The following SLC27A2 variants were observed in gnomAD, a reference collection of about 807,000 sequenced individuals.
The protein encoded by SLC27A2 is solute carrier family 27 member 2, also known as long-chain fatty acid transport protein 2.
Under a neutral mutation model 60.0 loss-of-function variants are expected in SLC27A2, and 54 were observed. That is an observed-to-expected ratio of 0.90 (90% CI 0.72 to 1.13). SLC27A2 has a LOEUF of 1.13. Among genes scored for constraint, SLC27A2 ranks in the 50% most tolerant of loss-of-function variants. The probability of loss-of-function intolerance (pLI) is 0.00; values close to 1 mark genes in which losing one functional copy is unlikely to be tolerated. For missense variants in SLC27A2, 739 were observed against 777.6 expected (o/e 0.95, Z 0.59); for synonymous variants, 297 against 297.6 (o/e 1.00, Z 0.02).
chr15:50,206,487 C>G (rs1180925706), intron 4 of SLC27A2, among the ~76,000 whole-genome samples: 1 of 152,176 alleles, frequency 6.6e-6, no homozygotes, highest in African/African-American at 2.4e-5. Flanking sequence ...GTGTCAGATG[C>G]TCTTCCCCCA....
chr15:50,194,994 G>GT (rs1237788120), intron 1 of SLC27A2, among the ~76,000 whole-genome samples: 2 of 152,110 alleles, frequency 1.3e-5, no homozygotes, highest in African/African-American at 4.8e-5. Context: ...CAGAATAATG[G>GT]TATCAGAATA....
In SLC27A2 at chr15:50,197,622, G is replaced by A. The variant is rs147583184; in HGVS notation, c.601G>A (p.Val201Ile). ...CTCTTTCCTGGACAAAGTGGATGAA[G>A]TATCAACTGAACCTATCCCAGAGTC... ...IDSFLDKVDE[V>I]STEPIPESWR... Residue 201 changes from valine (V) to isoleucine (I), a missense_variant, in exon 2 of 10, where the codon GTA (valine) becomes ATA (isoleucine). Coordinates refer to ENST00000267842, the MANE Select transcript of SLC27A2 (RefSeq NM_003645.4). The A allele has an allele frequency of 1.2e-6, 2 of 1,614,002 alleles. No homozygotes were observed. The highest frequency in any genetic ancestry group is 1.7e-6 in the Non-Finnish European group (2 of 1,179,922).
In SLC27A2 at chr15:50,188,535, T is replaced by C. The variant is rs62020291; in HGVS notation, c.478+5630T>C. Among the ~76,000 whole-genome samples the C allele has an allele frequency of 5.7e-3, 875 of 152,334 alleles. 6 individuals carry two copies. The highest frequency in any genetic ancestry group is 6.7e-3 in the Non-Finnish European group (455 of 68,024). On this transcript the variant is annotated intron_variant, in intron 1 of 9. Transcript: ENST00000267842. The stretch of plus-strand genomic sequence containing the variant: ...TAATCTAATCTACACTCTTCCCAAC[T>C]CTTTGGACTGCCCAAGGAGTAACTT...
chr15:50,209,852 C>G (rs138003540), intron 4 of SLC27A2, among the ~76,000 whole-genome samples: 1 of 152,030 alleles, frequency 6.6e-6, no homozygotes, highest in African/African-American at 2.4e-5. Flanking sequence ...CAAAACAAGG[C>G]GATGAGAAAA....
chr15:50,215,107 A>G (rs1328120920), intron 4 of SLC27A2, among the ~76,000 whole-genome samples: 1 of 152,182 alleles, frequency 6.6e-6, no homozygotes, highest in African/African-American at 2.4e-5. Context: ...TGATAAAAGA[A>G]TTCAGCATAG....
intron 6 of SLC27A2, 66 bp downstream of exon 6, chr15:50,226,144 C>A: frequency 1.0e-6 from 1 of 1,001,286 alleles, no homozygotes; most frequent in Non-Finnish European, 1.6e-6. Flanking sequence ...CTTTTAAGGA[C>A]TAACATATTA....
intron 4 of SLC27A2, among the ~76,000 whole-genome samples, chr15:50,209,193 T>C (rs1224535133): frequency 6.6e-6 from 1 of 152,196 alleles, no homozygotes; most frequent in Non-Finnish European, 1.5e-5. Flanking sequence ...TTACCTCTAG[T>C]GTTGACTGCG....
chr15:50,223,043 A>G lies in SLC27A2; in HGVS notation c.1051A>G (p.Lys351Glu), dbSNP rs375391751. ...LRGDVWRQFV[K>E]RFGDICIYEF... ...AGGAGATGTGTGGAGACAATTTGTC[A>G]AGAGATTTGGGGACATATGCATCTA... is the stretch of plus-strand genomic sequence containing the variant. Residue 351 changes from lysine (K) to glutamate (E), a missense_variant, in exon 5 of 10, where the codon AAG (lysine) becomes GAG (glutamate). Transcript: ENST00000267842. The G allele has an allele frequency of 5.0e-6, 8 of 1,613,934 alleles. 1 individual carries two copies. The South Asian group carries it at 7.7e-5, about 16-fold the overall frequency.
At chr15:50,189,729 A>G (rs1595679915) in intron 1 of SLC27A2, among the ~76,000 whole-genome samples, 2 of 152,350 alleles carry the variant, frequency 1.3e-5, no homozygotes, top group Non-Finnish European at 2.9e-5. Flanking sequence ...TCTATATAAT[A>G]GGTGCTAGTA....
intron 4 of SLC27A2, among the ~76,000 whole-genome samples, chr15:50,219,198 C>T (rs956409955): frequency 7.2e-5 from 11 of 152,044 alleles, no homozygotes; most frequent in East Asian, 3.9e-4. Flanking sequence ...CTGAAATTGA[C>T]GAAACAAGAG....
At chr15:50,209,401 A>G (rs2045137469) in intron 4 of SLC27A2, among the ~76,000 whole-genome samples, 1 of 152,170 alleles carries the variant, frequency 6.6e-6, no homozygotes, top group Non-Finnish European at 1.5e-5. Flanking sequence ...AAGGTTCGCC[A>G]GGGAAGGTGG....
At chr15:50,184,345 G>A (rs1394815046) in intron 1 of SLC27A2, among the ~76,000 whole-genome samples, 1 of 152,020 alleles carries the variant, frequency 6.6e-6, no homozygotes, top group Non-Finnish European at 1.5e-5. Flanking sequence ...TGTTAAGTGT[G>A]CTGGAAGGGA....
At chr15:50,208,400 G>C (rs1173799221) in intron 4 of SLC27A2, among the ~76,000 whole-genome samples, 2 of 152,292 alleles carry the variant, frequency 1.3e-5, no homozygotes, top group African/African-American at 4.8e-5. Context: ...TGGCATTGGA[G>C]CAGGATAGTT....
intron 5 of SLC27A2, 144 bp from the exon 6 acceptor site, chr15:50,225,844 T>C: frequency 2.0e-6 from 1 of 497,070 alleles, no homozygotes; most frequent in Non-Finnish European, 3.6e-6. Flanking sequence ...TTTCTCTGTC[T>C]CTCTCTGGGT....
At chr15:50,231,609 G>A (rs1378008182) in intron 8 of SLC27A2, among the ~76,000 whole-genome samples, 1 of 152,180 alleles carries the variant, frequency 6.6e-6, no homozygotes, top group Non-Finnish European at 1.5e-5. Context: ...ACTTTTTAAA[G>A]CCTGGATCTA....
intron 4 of SLC27A2, among the ~76,000 whole-genome samples, chr15:50,212,994 A>G (rs563963330): frequency 6.6e-6 from 1 of 152,364 alleles, no homozygotes; most frequent in South Asian, 2.1e-4. Context: ...TAAATGCTCC[A>G]CTTAAAAGAT....
In SLC27A2 at chr15:50,196,104, A is replaced by G. The variant is rs1316992354; in HGVS notation, c.479-1396A>G. On this transcript the variant is annotated intron_variant, in intron 1 of 9. Coordinates refer to ENST00000267842, the MANE Select transcript of SLC27A2 (RefSeq NM_003645.4). The stretch of plus-strand genomic sequence containing the variant: ...TATATATATATATATATATATATAT[A>G]TATATATATATATATATATATGTAT... Among the ~76,000 whole-genome samples the G allele has an allele frequency of 9.9e-5, 8 of 80,954 alleles. 1 individual carries two copies. The highest frequency in any genetic ancestry group is 1.5e-4 in the Non-Finnish European group (6 of 40,136). 53.1% of individuals were successfully genotyped at this position (80,954 alleles called of 152,430 possible).
chr15:50,210,787 C>G (rs1024936307), intron 4 of SLC27A2, among the ~76,000 whole-genome samples: 1 of 152,156 alleles, frequency 6.6e-6, no homozygotes, highest in Non-Finnish European at 1.5e-5. Context: ...GACTCGGGGC[C>G]GTTGAGGGGG....
intron 1 of SLC27A2, among the ~76,000 whole-genome samples, chr15:50,187,146 A>C (rs966116540): frequency 7.2e-5 from 11 of 152,256 alleles, no homozygotes; most frequent in African/African-American, 2.7e-4. Flanking sequence ...ATAGTTACAG[A>C]AAGTCAAGAC....
Sources: gnomAD v4.1 joint callset for allele counts (sites outside exome capture counted in the v4.1 genomes callset) on GRCh38, gnomAD v4.1.1 for gene constraint, MANE v1.5 for transcripts, NCBI Gene and HGNC (gene_info 2026-07-23, HGNC 2026-07-21) for gene names.